Variants in RHOBTB3 observed in about 807,000 individuals in gnomAD.
RHOBTB3 encodes rho-related BTB domain-containing protein 3.
RHOBTB3 carries 47 observed loss-of-function variants against 67.2 expected under a neutral mutation model. That is an observed-to-expected ratio of 0.70 (90% CI 0.55 to 0.89). RHOBTB3 has a LOEUF of 0.89. RHOBTB3 is among the 40% of genes least tolerant of loss of function. The pLI is 0.00. For synonymous variants in RHOBTB3, 273 were observed against 274.2 expected (o/e 1.00, Z 0.04); for missense variants, 631 against 750.0 (o/e 0.84, Z 1.85).
At chr5:95,736,809 C>T (rs1755463339) in intron 2 of RHOBTB3, 80 bp from the exon 3 acceptor site, 6 of 972,140 alleles carry the variant, frequency 6.2e-6, no homozygotes, top group South Asian at 3.9e-5. Context: ...TTATGAATTC[C>T]AAAAATTAAT....
At chr5:95,735,825 G>A (rs1022047472) in intron 2 of RHOBTB3, among the ~76,000 whole-genome samples, 6 of 152,148 alleles carry the variant, frequency 3.9e-5, no homozygotes, top group African/African-American at 1.4e-4. Context: ...CCCAGGCCAG[G>A]CACGGTGGCT....
intron 1 of RHOBTB3, among the ~76,000 whole-genome samples, chr5:95,720,271 G>A (rs2112744687): frequency 6.6e-6 from 1 of 152,232 alleles, no homozygotes; most frequent in South Asian, 2.1e-4. Flanking sequence ...CAGCCCAGCT[G>A]GCCTCTCCCC....
At chr5:95,739,231 G>A (rs971290501) in intron 3 of RHOBTB3, among the ~76,000 whole-genome samples, 8 of 152,088 alleles carry the variant, frequency 5.3e-5, no homozygotes, top group East Asian at 1.9e-4. Flanking sequence ...GCCCGATTCC[G>A]CATATCCAGT....
At chr5:95,746,156 G>A (rs1030549505) in intron 3 of RHOBTB3, among the ~76,000 whole-genome samples, 2 of 152,038 alleles carry the variant, frequency 1.3e-5, no homozygotes, top group African/African-American at 4.8e-5. Context: ...AACATGTGTA[G>A]GTAAGTTGCT....
At chr5:95,772,046 G>C (rs895900378) in intron 8 of RHOBTB3, among the ~76,000 whole-genome samples, 1 of 152,166 alleles carries the variant, frequency 6.6e-6, no homozygotes, top group Non-Finnish European at 1.5e-5. Flanking sequence ...GCTGAATGCT[G>C]TCTTCCAGAT....
intron 2 of RHOBTB3, among the ~76,000 whole-genome samples, chr5:95,733,059 A>G (rs1755342390): frequency 6.6e-6 from 1 of 152,244 alleles, no homozygotes; most frequent in African/African-American, 2.4e-5. Context: ...GGAAAGTATC[A>G]CGCCATTCTA....
intron 10 of RHOBTB3, among the ~76,000 whole-genome samples, chr5:95,787,820 A>G (rs1253180211): frequency 6.6e-6 from 1 of 152,246 alleles, no homozygotes; most frequent in African/African-American, 2.4e-5. Context: ...GACAGAAAGT[A>G]AAACAGTGGG....
chr5:95,776,901 C>T (rs144747271), intron 8 of RHOBTB3, among the ~76,000 whole-genome samples: 1,732 of 152,284 alleles, frequency 0.011, 15 homozygotes, highest in Non-Finnish European at 0.017. Flanking sequence ...TGGTGGATCG[C>T]TGTACTTTTT....
intron 2 of RHOBTB3, among the ~76,000 whole-genome samples, chr5:95,735,724 C>T (rs1755439324): frequency 2.0e-5 from 3 of 152,140 alleles, no homozygotes; most frequent in African/African-American, 7.2e-5. Context: ...ACTACTTGTA[C>T]ATTATTTGGT....
At chr5:95,744,408 A>G (rs181607688) in intron 3 of RHOBTB3, among the ~76,000 whole-genome samples, 1 of 152,134 alleles carries the variant, frequency 6.6e-6, no homozygotes, top group African/African-American at 2.4e-5. Flanking sequence ...ATTATGTTAT[A>G]TTATAACTGT....
Position 95,731,401 on chromosome 5 carries a change from A to T in RHOBTB3, c.-282A>T, listed in dbSNP as rs1004807254. The T allele has an allele frequency of 1.3e-5, 15 of 1,181,864 alleles. No homozygotes were observed. The highest frequency in any genetic ancestry group is 3.4e-4 in the Middle Eastern group (1 of 2,962). 73.2% of individuals were successfully genotyped at this position (1,181,864 alleles called of 1,614,324 possible). ...GAGGGGACTGCGGTCAGCTGCGTCC[A>T]CTTGGGGCTGTGCGGCGGTCCCGCG... On this transcript the variant is annotated 5_prime_UTR_variant, in exon 1 of 12. Transcript: ENST00000379982.
At chr5:95,721,676 G>C (rs1323959657) in intron 1 of RHOBTB3, among the ~76,000 whole-genome samples, 2 of 142,000 alleles carry the variant, frequency 1.4e-5, no homozygotes, top group Non-Finnish European at 3.0e-5. Flanking sequence ...AGGAATATCT[G>C]ATTCTACTGA....
rs983686210 is a variant in RHOBTB3 at position 95,731,525 on chromosome 5, C to G, written c.-158C>G. The G allele has an allele frequency of 2.5e-5, 32 of 1,301,534 alleles. No individual in the cohort carries two copies. Among genetic ancestry groups the G allele is most frequent in the Non-Finnish European group, 3.0e-5 (31 of 1,029,704 alleles). The allele number at this position is 1,301,534 out of a possible 1,614,324, so 80.6% of individuals were successfully genotyped here. A position where few individuals can be genotyped will look rare whatever the true frequency, so the allele number is the denominator to read the frequency against. On this transcript the variant is annotated 5_prime_UTR_variant, in exon 1 of 12. Transcript: ENST00000379982. ...GCTCGCTCGCTGGCTGGCGCGGCCCCGGCCCCGCTCTGCGTCGGCCCCGCC... is the reference window on the plus strand; with the variant it reads ...GCTCGCTCGCTGGCTGGCGCGGCCCGGGCCCCGCTCTGCGTCGGCCCCGCC...
intron 5 of RHOBTB3, among the ~76,000 whole-genome samples, chr5:95,755,035 G>T (rs997129099): frequency 6.6e-6 from 1 of 152,156 alleles, no homozygotes; most frequent in Admixed American, 6.6e-5. Context: ...TCAGTATTTG[G>T]CGGCTTGTTT....
In RHOBTB3 at chr5:95,793,555, G is replaced by A. The variant is rs1325977313; in HGVS notation, c.*381G>A. ...CTGATTAATTGCTCTATTAAAATAA[G>A]GGGCATTTAAAGACCCAGCATAACC... is the stretch of plus-strand genomic sequence containing the variant. On this transcript the variant is annotated 3_prime_UTR_variant, in exon 12 of 12. Transcript: ENST00000379982. The A allele has an allele frequency of 1.2e-5, 2 of 165,196 alleles. No homozygotes were observed. The highest frequency in any genetic ancestry group is 4.8e-5 in the African/African-American group (2 of 41,516). 10.2% of individuals were successfully genotyped at this position (165,196 alleles called of 1,614,324 possible).
At position 95,795,707 on chromosome 5, in the gene RHOBTB3, C is replaced by T. The variant is rs972034044; in HGVS notation, c.*2533C>T. On this transcript the variant is annotated 3_prime_UTR_variant, in exon 12 of 12. Transcript: ENST00000379982. ...AAGAGAAATCAAATTAGTGTTTAAA[C>T]CCATTTGCATATTGACTTGTCAGTA... 2 of 152,160 alleles carry T rather than the reference C, an allele frequency of 1.3e-5. No homozygotes were observed. Among genetic ancestry groups the T allele is most frequent in the African/African-American group, 2.4e-5 (1 of 41,424 alleles). 9.4% of individuals were successfully genotyped at this position (152,160 alleles called of 1,614,324 possible). A position where few individuals can be genotyped will look rare whatever the true frequency, so the allele number is the denominator to read the frequency against.
chr5:95,754,913 A>T (rs1401342677), intron 5 of RHOBTB3, among the ~76,000 whole-genome samples: 1 of 152,330 alleles, frequency 6.6e-6, no homozygotes, highest in East Asian at 1.9e-4. Flanking sequence ...TTCTGGTCCC[A>T]GGAGGAAAAG....
chr5:95,731,811 C>T (rs1755271577), intron 1 of RHOBTB3, 48 bp from the exon 2 acceptor site: 2 of 1,599,560 alleles, frequency 1.3e-6, no homozygotes, highest in Admixed American at 1.7e-5. Context: ...GAGAGACCCG[C>T]GCGCTGACCG....
intron 8 of RHOBTB3, chr5:95,780,022 GTTGTC>G (rs1324189575): frequency 6.5e-6 from 3 of 458,512 alleles, no homozygotes; most frequent in Non-Finnish European, 1.2e-5. Context: ...GTAACAAATT[GTTGTC>G]TTGACTTGCA....
Sources: allele counts gnomAD v4.1 joint callset (sites outside exome capture counted in the v4.1 genomes callset), GRCh38; gene constraint gnomAD v4.1.1; transcripts MANE v1.5; gene names NCBI Gene and HGNC (gene_info 2026-07-23, HGNC 2026-07-21).